The following CREB5 variants were observed in gnomAD, a reference collection of about 807,000 sequenced individuals.
The protein encoded by CREB5 is cyclic AMP-responsive element-binding protein 5.
In CREB5, 19 loss-of-function variants were observed where a neutral mutation model predicts 57.1. That is an observed-to-expected ratio of 0.33 (90% confidence interval 0.23 to 0.49). The LOEUF is 0.49. CREB5 is among the 20% of genes least tolerant of loss of function. The pLI is 0.99. For synonymous variants in CREB5, 238 were observed against 238.3 expected (o/e 1.00, Z 0.01); for missense variants, 579 against 671.6 (o/e 0.86, Z 1.52).
rs139184607 is a variant in CREB5, at chr7:28,390,772, C to T, written c.-25+91331C>T. ...TTTACATGCCAGGAGCCCTGTAAGC[C>T]CTCTAGCATTTTCTTGATGCTCTGA... On this transcript the variant is annotated intron_variant, in intron 1 of 9. Coordinates refer to the CREB5 transcript ENST00000396299. 5.9e-3 allele frequency among the ~76,000 whole-genome samples: 901 copies of T among 152,154 alleles called. 5 individuals are homozygous for T. The highest frequency in any genetic ancestry group is 9.2e-3 in the Non-Finnish European group (626 of 68,006).
intron 7 of CREB5, among the ~76,000 whole-genome samples, chr7:28,752,277 C>T (rs914976873): frequency 2.6e-5 from 4 of 152,176 alleles, no homozygotes; most frequent in Non-Finnish European, 5.9e-5. Context: ...AGTGATTCTC[C>T]TGCCTCAACC....
intron 1 of CREB5, among the ~76,000 whole-genome samples, chr7:28,354,802 G>A (rs1178768795): frequency 6.6e-6 from 1 of 152,210 alleles, no homozygotes; most frequent in East Asian, 1.9e-4. Context: ...GCTTCTGGGA[G>A]AGAGTTTAAC....
chr7:28,515,444 C>T (rs1340974575), intron 4 of CREB5, among the ~76,000 whole-genome samples: 1 of 152,164 alleles, frequency 6.6e-6, no homozygotes, highest in Non-Finnish European at 1.5e-5. Flanking sequence ...ACATCTAGCC[C>T]TTGCATTGGC....
chr7:28,583,215 T>C (rs1270012589), intron 5 of CREB5, among the ~76,000 whole-genome samples: 1 of 152,190 alleles, frequency 6.6e-6, no homozygotes, highest in African/African-American at 2.4e-5. Flanking sequence ...ACTACAAAAT[T>C]GGAAGATGCT....
chr7:28,720,218 C>A (rs1293216875), intron 6 of CREB5, among the ~76,000 whole-genome samples: 1 of 152,242 alleles, frequency 6.6e-6, no homozygotes, highest in Non-Finnish European at 1.5e-5. Context: ...CACCGGAGTT[C>A]TCAGAAGCCC....
intron 1 of CREB5, among the ~76,000 whole-genome samples, chr7:28,377,272 T>C (rs982926727): frequency 7.9e-5 from 12 of 152,136 alleles, no homozygotes; most frequent in Non-Finnish European, 1.6e-4. Flanking sequence ...AAATCCTAAT[T>C]GAAATATTTT....
intron 1 of CREB5, among the ~76,000 whole-genome samples, chr7:28,381,157 G>A (rs58249746): frequency 0.048 from 7,377 of 152,182 alleles, 578 homozygotes; most frequent in African/African-American, 0.17. Context: ...AGTCAGAAGA[G>A]GGCTAAGGTA....
At chr7:28,635,609 A>C (rs1562540033) in intron 5 of CREB5, among the ~76,000 whole-genome samples, 1 of 152,174 alleles carries the variant, frequency 6.6e-6, no homozygotes, top group Non-Finnish European at 1.5e-5. Context: ...TAAACTCACC[A>C]ATTCAGTCAA....
intron 1 of CREB5, 25 bp downstream of exon 1, chr7:28,412,942 A>G (rs1219217217): frequency 7.1e-7 from 1 of 1,414,396 alleles, no homozygotes; most frequent in Non-Finnish European, 9.3e-7. Flanking sequence ...TATTATGCAT[A>G]TTAAACAGAG....
intron 5 of CREB5, among the ~76,000 whole-genome samples, chr7:28,710,175 GC>G (rs1802333137): frequency 6.6e-6 from 1 of 152,142 alleles, no homozygotes; most frequent in African/African-American, 2.4e-5. Flanking sequence ...TACCTTTTAT[GC>G]TTTTCAAGAA....
intron 5 of CREB5, among the ~76,000 whole-genome samples, chr7:28,571,439 T>C (rs1461572940): frequency 6.6e-6 from 1 of 152,116 alleles, no homozygotes; most frequent in Admixed American, 6.6e-5. Context: ...TTCCTCTACA[T>C]TGGTCCATGC....
At chr7:28,326,153 TTATCTATCTATCTATCTATCTATC>T (rs58259868) in intron 1 of CREB5, among the ~76,000 whole-genome samples, 33 of 146,210 alleles carry the variant, frequency 2.3e-4, no homozygotes, top group Non-Finnish European at 3.9e-4. Flanking sequence ...CACACACACA[TTATCTATCTATCTATCTATCTATC>T]TATCTATCTA....
intron 5 of CREB5, among the ~76,000 whole-genome samples, chr7:28,701,691 A>G (rs1801867632): frequency 1.3e-5 from 2 of 152,232 alleles, no homozygotes; most frequent in Non-Finnish European, 2.9e-5. Context: ...TTGTTCACAT[A>G]TGACATCAAA....
chr7:28,766,284 G>A (rs1316090176), intron 7 of CREB5, among the ~76,000 whole-genome samples: 1 of 151,922 alleles, frequency 6.6e-6, no homozygotes, highest in African/African-American at 2.4e-5. Flanking sequence ...AGGGAAGAAG[G>A]TCCCTTCCCT....
chr7:28,586,401 T>C (rs1305547099), intron 5 of CREB5, among the ~76,000 whole-genome samples: 1 of 152,150 alleles, frequency 6.6e-6, no homozygotes, highest in African/African-American at 2.4e-5. Flanking sequence ...AAAATGATAA[T>C]AATTGTAAAG....
chr7:28,484,962 T>C (rs551424475), intron 1 of CREB5, among the ~76,000 whole-genome samples: 1 of 152,322 alleles, frequency 6.6e-6, no homozygotes, highest in African/African-American at 2.4e-5. Context: ...TTCTAAGGTA[T>C]TTGCTGTAGC....
rs188065572 is a variant in CREB5 at position 28,315,464 on chromosome 7, C to G, written c.-25+16023C>G. ...TGGGCAGGTGCCAGAGAACTCTGGA[C>G]AAGAAGACGCTTCCAGCCGGGTGCT... On this transcript the variant is annotated intron_variant, in intron 1 of 9. Coordinates refer to the CREB5 transcript ENST00000396299. Among the ~76,000 whole-genome samples the G allele has an allele frequency of 2.0e-5, 3 of 152,304 alleles. No individual in the cohort carries two copies. In the East Asian group the frequency reaches 5.8e-4, roughly 29 times the overall value.
rs572725992 is a variant in CREB5 at position 28,559,069 on chromosome 7, A to G, written c.292-11296A>G. Among the ~76,000 whole-genome samples, 7 of 152,234 alleles carry G rather than the reference A, an allele frequency of 4.6e-5. No homozygotes were observed. The South Asian group carries it at 1.5e-3, about 32-fold the overall frequency. On this transcript the variant is annotated intron_variant, in intron 4 of 10. Coordinates refer to ENST00000357727, the MANE Select transcript of CREB5 (RefSeq NM_182898.4). ...ACTACACAGGTGTGAGAGCTTGGCA[A>G]GGTCATTGTTGCCATCTGTTTATCT...
upstream of CREB5, among the ~76,000 whole-genome samples, chr7:28,407,716 G>A (rs142922972): frequency 3.3e-3 from 503 of 152,276 alleles, 1 homozygote; most frequent in African/African-American, 0.011. Context: ...CAGTCCCTGT[G>A]GTTTCAAGGA....
Sources: allele counts gnomAD v4.1 joint callset (sites outside exome capture counted in the v4.1 genomes callset), GRCh38; gene constraint gnomAD v4.1.1; transcripts MANE v1.5; gene names NCBI Gene and HGNC (gene_info 2026-07-23, HGNC 2026-07-21).